Variants in VWA8 observed in about 807,000 individuals in gnomAD.
VWA8 encodes the protein von Willebrand factor A domain containing 8.
In VWA8, 221 loss-of-function variants were observed where a neutral mutation model predicts 241.5. The observed-to-expected ratio is 0.91, with a 90% CI of 0.82 to 1.02. VWA8 has a LOEUF of 1.02. VWA8 is among the 50% of genes least tolerant of loss of function. The pLI is 0.00. For missense variants in VWA8, 2,322 were observed against 2,328.7 expected (o/e 1.00, Z 0.06); for synonymous variants, 852 against 827.1 (o/e 1.03, Z -0.52).
Position 41,595,413 on chromosome 13 carries a change from T to A in VWA8, c.4987-4648A>T, listed in dbSNP as rs150439920. On this transcript the variant is annotated intron_variant, in intron 40 of 44. Transcript: ENST00000379310. ...TGGGGGTTAACTTTTCAAGTTTAAG[T>A]ACTTGTAATAAAGTATACAAATCTT... Among the ~76,000 whole-genome samples the A allele has an allele frequency of 9.8e-4, 149 of 152,272 alleles. 1 individual carries two copies. Among genetic ancestry groups the A allele is most frequent in the African/African-American group, 3.4e-3 (141 of 41,568 alleles).
At chr13:41,574,286 A>G in intron 43 of VWA8, among the ~76,000 whole-genome samples, 1 of 152,182 alleles carries the variant, frequency 6.6e-6, no homozygotes, top group East Asian at 1.9e-4. Flanking sequence ...AACAATGACC[A>G]AGCTGAGAAT....
chr13:41,748,994 C>T (rs2045632352), intron 21 of VWA8, among the ~76,000 whole-genome samples: 1 of 152,104 alleles, frequency 6.6e-6, no homozygotes, highest in South Asian at 2.1e-4. Context: ...CAACAAAAGC[C>T]AGAATTGATA....
At chr13:41,791,279 T>C (rs1023072219) in intron 17 of VWA8, among the ~76,000 whole-genome samples, 34 of 152,054 alleles carry the variant, frequency 2.2e-4, no homozygotes, top group African/African-American at 7.9e-4. Flanking sequence ...TTTCTATTCA[T>C]TTCTAGTTGA....
chr13:41,870,471 TC>T (rs1208227052), intron 9 of VWA8, among the ~76,000 whole-genome samples: 1 of 151,906 alleles, frequency 6.6e-6, no homozygotes, highest in Non-Finnish European at 1.5e-5. Context: ...AAACCCCGTC[TC>T]TACTAAAAAT....
chr13:41,853,025 T>C (rs1198442508), intron 12 of VWA8, among the ~76,000 whole-genome samples: 1 of 152,162 alleles, frequency 6.6e-6, no homozygotes, highest in Non-Finnish European at 1.5e-5. Context: ...ATTGAATCTG[T>C]ATTGCTTTGG....
intron 26 of VWA8, among the ~76,000 whole-genome samples, chr13:41,717,048 G>A (rs968943203): frequency 2.6e-5 from 4 of 151,922 alleles, no homozygotes; most frequent in Non-Finnish European, 5.9e-5. Flanking sequence ...TTTTGCAGAT[G>A]AGATAAACAT....
chr13:41,664,473 A>G (rs2044973546), intron 37 of VWA8, among the ~76,000 whole-genome samples: 1 of 150,760 alleles, frequency 6.6e-6, no homozygotes, highest in South Asian at 2.1e-4. Context: ...GTTCAGTGAA[A>G]TTCTTAAATA....
chr13:41,744,845 A>AT (rs1428075373), intron 21 of VWA8, among the ~76,000 whole-genome samples: 7 of 147,600 alleles, frequency 4.7e-5, no homozygotes, highest in Non-Finnish European at 1.1e-4. Context: ...TTATTTATTT[A>AT]TTTATTTTTT....
intron 37 of VWA8, among the ~76,000 whole-genome samples, chr13:41,639,674 C>T (rs755361670): frequency 5.9e-5 from 9 of 152,250 alleles, no homozygotes; most frequent in South Asian, 2.1e-4. Context: ...AAGACTCTCA[C>T]GGCATAAAGT....
intron 21 of VWA8, among the ~76,000 whole-genome samples, chr13:41,760,390 A>G (rs2045730841): frequency 6.6e-6 from 1 of 151,884 alleles, no homozygotes; most frequent in Non-Finnish European, 1.5e-5. Flanking sequence ...CACTTAGTGA[A>G]AAGACCCAGA....
intron 37 of VWA8, among the ~76,000 whole-genome samples, chr13:41,623,616 TG>T (rs2044671201): frequency 6.6e-6 from 1 of 152,220 alleles, no homozygotes. Flanking sequence ...TTATTACAGT[TG>T]CCCACTATCT....
Position 41,678,685 on chromosome 13 carries a change from C to A in VWA8, c.4328-3389G>T, listed in dbSNP as rs139837774. The stretch of plus-strand genomic sequence containing the variant: ...AGTAAGCCAACTTATTTTAAAATAT[C>A]TTTTTTTTCCCATATCTTTCTTTTC... On this transcript the variant is annotated intron_variant, in intron 35 of 44. Coordinates refer to ENST00000379310, the MANE Select transcript of VWA8 (RefSeq NM_015058.2). Among the ~76,000 whole-genome samples the A allele has an allele frequency of 2.5e-3, 380 of 152,182 alleles. 1 individual carries two copies. The highest frequency in any genetic ancestry group is 4.6e-3 in the Non-Finnish European group (311 of 67,978).
At chr13:41,931,064 G>A (rs997227344) in intron 2 of VWA8, among the ~76,000 whole-genome samples, 8 of 150,794 alleles carry the variant, frequency 5.3e-5, no homozygotes, top group Non-Finnish European at 1.2e-4. Flanking sequence ...CAGGAGAATC[G>A]CTTGAACCCG....
chr13:41,883,522 GCAAAATT>G, intron 8 of VWA8, 31 bp from the exon 9 acceptor site: 1 of 1,509,478 alleles, frequency 6.6e-7, no homozygotes, highest in Non-Finnish European at 9.2e-7. Context: ...ATAGGAATGA[GCAAAATT>G]CAAAATAATC....
At chr13:41,831,613 G>GGTTT (rs1871457685) in intron 13 of VWA8, among the ~76,000 whole-genome samples, 1 of 113,412 alleles carries the variant, frequency 8.8e-6, no homozygotes. Context: ...CCAGGCATGA[G>GGTTT]TTTTTTTTTT....
chr13:41,864,509 G>T, intron 12 of VWA8: 1 of 369,504 alleles, frequency 2.7e-6, no homozygotes, highest in South Asian at 2.2e-5. Context: ...AAAAAGGAAT[G>T]AAATTCTGAT....
intron 2 of VWA8, chr13:41,927,008 C>T (rs907156248): frequency 9.4e-6 from 4 of 424,458 alleles, no homozygotes; most frequent in South Asian, 1.9e-5. Context: ...CAAATGGCAC[C>T]GCTCTAAAGA....
At chr13:41,780,386 A>T (rs1868837527) in intron 19 of VWA8, among the ~76,000 whole-genome samples, 1 of 152,078 alleles carries the variant, frequency 6.6e-6, no homozygotes, top group African/African-American at 2.4e-5. Context: ...CTAAAACTCA[A>T]CTTATTACTT....
intron 39 of VWA8, among the ~76,000 whole-genome samples, chr13:41,609,075 A>C (rs1372108824): frequency 1.3e-5 from 2 of 152,202 alleles, no homozygotes; most frequent in Non-Finnish European, 2.9e-5. Flanking sequence ...CCACAAATAC[A>C]TATGAAGGTT....
Sources: gnomAD v4.1 joint callset for allele counts (sites outside exome capture counted in the v4.1 genomes callset) on GRCh38, gnomAD v4.1.1 for gene constraint, MANE v1.5 for transcripts, NCBI Gene and HGNC (gene_info 2026-07-23, HGNC 2026-07-21) for gene names.